HTR7: variants seen among roughly 807,000 people sequenced by gnomAD.
The protein encoded by HTR7 is 5-HT-7.
HTR7 carries 16 observed loss-of-function variants against 34.0 expected under a neutral mutation model. The observed-to-expected ratio is 0.47, with a 90% CI of 0.32 to 0.71. HTR7 has a LOEUF of 0.71. Among genes scored for constraint, HTR7 ranks in the 30% least tolerant of loss-of-function variants. HTR7 has a pLI of 0.04. For missense variants in HTR7, 504 were observed against 625.5 expected, an observed-to-expected ratio of 0.81 and a Z score of 2.07; for synonymous variants, 265 against 260.2, an observed-to-expected ratio of 1.02 and a Z score of -0.18.
intron 1 of HTR7, among the ~76,000 whole-genome samples, chr10:90,831,178 T>G (rs1846165108): frequency 1.3e-5 from 2 of 152,208 alleles, no homozygotes; most frequent in African/African-American, 4.8e-5. Context: ...GTGTCCGGAA[T>G]TGGTAGGCTC....
At chr10:90,742,585 T>G in intron 3 of HTR7, 57 bp from the exon 4 acceptor site, 3 of 1,270,100 alleles carry the variant, frequency 2.4e-6, no homozygotes, top group Non-Finnish European at 3.4e-6. Flanking sequence ...AAATGTGAGT[T>G]TTCATTTTGT....
At chr10:90,847,349 G>GA (rs144426520) in intron 1 of HTR7, among the ~76,000 whole-genome samples, 18 of 147,796 alleles carry the variant, frequency 1.2e-4, no homozygotes, top group South Asian at 4.3e-4. Context: ...AACATGAGAG[G>GA]AAAAAAAAAA....
intron 1 of HTR7, among the ~76,000 whole-genome samples, chr10:90,808,945 G>A (rs1392767348): frequency 9.2e-5 from 14 of 152,218 alleles, no homozygotes; most frequent in South Asian, 2.1e-4. Flanking sequence ...GGTGCCTGAC[G>A]TCCAGGCATT....
At chr10:90,743,965 G>A in intron 2 of HTR7, 1 of 595,732 alleles carries the variant, frequency 1.7e-6, no homozygotes, top group Non-Finnish European at 3.2e-6. Flanking sequence ...AAGAAAATGG[G>A]GAGAAATGGG....
chr10:90,834,665 C>T (rs1846227629), intron 1 of HTR7, among the ~76,000 whole-genome samples: 1 of 152,036 alleles, frequency 6.6e-6, no homozygotes, highest in Non-Finnish European at 1.5e-5. Context: ...AATGAGTAGG[C>T]CATGGGTCTC....
intron 1 of HTR7, among the ~76,000 whole-genome samples, chr10:90,786,365 AT>A (rs111810789): frequency 1.3e-5 from 2 of 152,028 alleles, no homozygotes; most frequent in East Asian, 1.9e-4. Context: ...CAGGCCACTG[AT>A]TTTTTTTCCC....
intron 1 of HTR7, among the ~76,000 whole-genome samples, chr10:90,810,262 C>T (rs567725323): frequency 5.1e-4 from 77 of 152,162 alleles, no homozygotes; most frequent in Non-Finnish European, 9.9e-4. Context: ...CCACCTTTTC[C>T]CCCACTTCAA....
At chr10:90,826,214 GA>G (rs904395298) in intron 1 of HTR7, among the ~76,000 whole-genome samples, 35 of 150,816 alleles carry the variant, frequency 2.3e-4, no homozygotes, top group Admixed American at 1.3e-4. Context: ...AAATACTAAA[GA>G]AAAAAAAACT....
intron 1 of HTR7, among the ~76,000 whole-genome samples, chr10:90,793,458 T>TTA (rs11472590): frequency 0.37 from 53,757 of 145,560 alleles, 11,849 homozygotes; most frequent in African/African-American, 0.62. Context: ...ATATTTCTAA[T>TTA]TATATATATA....
intron 1 of HTR7, among the ~76,000 whole-genome samples, chr10:90,854,062 A>G (rs2120134849): frequency 6.6e-6 from 1 of 152,386 alleles, no homozygotes; most frequent in Non-Finnish European, 1.5e-5. Flanking sequence ...AGAAAGGAAA[A>G]GCTGAAGAAA....
rs754595089 is a variant in HTR7, at chr10:90,748,906, G to A, written c.1228C>T (p.Leu410Phe). The A allele has an allele frequency of 6.8e-6, 11 of 1,614,104 alleles. No individual in the cohort carries two copies. In the East Asian group the frequency reaches 2.2e-4, roughly 33 times the overall value. Residue 410 changes from leucine to phenylalanine, a missense_variant, in exon 2 of 4, where the codon CTC (leucine) becomes TTC (phenylalanine). By Grantham distance (22) the Leu-to-Phe change is conservative. Coordinates refer to ENST00000336152, the MANE Select transcript of HTR7 (RefSeq NM_019859.4). The stretch of plus-strand genomic sequence containing the variant: ...GCTTCATGCATGCCTGCAGCTGAGA[G>A]CTTCCGGTTGATATTCCGGTACTGG... ...QCQYRNINRK[L>F]SAAGMHEALK...
chr10:90,800,571 T>A (rs12785051), intron 1 of HTR7, among the ~76,000 whole-genome samples: 39,342 of 151,390 alleles, frequency 0.26, 5,431 homozygotes, highest in African/African-American at 0.35. Flanking sequence ...ATGAGATTAA[T>A]CATTCCTTCA....
At chr10:90,818,363 T>A (rs900409134) in intron 1 of HTR7, among the ~76,000 whole-genome samples, 3 of 152,154 alleles carry the variant, frequency 2.0e-5, no homozygotes, top group Non-Finnish European at 4.4e-5. Context: ...CTGGCCAACA[T>A]GGTGAAATCC....
intron 2 of HTR7, among the ~76,000 whole-genome samples, chr10:90,745,591 T>A (rs1266635626): frequency 2.0e-5 from 3 of 152,238 alleles, no homozygotes; most frequent in African/African-American, 7.2e-5. Flanking sequence ...TCTTCCTCAA[T>A]GCATGGCAGC....
intron 3 of HTR7, 70 bp from the exon 4 acceptor site, chr10:90,742,598 T>G: frequency 9.3e-7 from 1 of 1,074,438 alleles, no homozygotes; most frequent in Non-Finnish European, 1.4e-6. Context: ...CATTTTGTGG[T>G]AGGTGGACTT....
chr10:90,809,650 C>T (rs113586991), intron 1 of HTR7, among the ~76,000 whole-genome samples: 1 of 152,194 alleles, frequency 6.6e-6, no homozygotes, highest in South Asian at 2.1e-4. Flanking sequence ...ATGCCTGAAC[C>T]GCAGCGGCCA....
intron 1 of HTR7, among the ~76,000 whole-genome samples, chr10:90,847,931 C>A (rs937628961): frequency 2.0e-5 from 3 of 152,176 alleles, no homozygotes; most frequent in Non-Finnish European, 4.4e-5. Context: ...TATACATGGA[C>A]ACTTTAACAA....
At chr10:90,823,769 G>A (rs905344953) in intron 1 of HTR7, among the ~76,000 whole-genome samples, 5 of 152,174 alleles carry the variant, frequency 3.3e-5, no homozygotes, top group Non-Finnish European at 7.3e-5. Flanking sequence ...ATTCAATTAT[G>A]GGGGTGAAAA....
chr10:90,831,375 G>C (rs1846172405), intron 1 of HTR7, among the ~76,000 whole-genome samples: 1 of 151,744 alleles, frequency 6.6e-6, no homozygotes, highest in African/African-American at 2.4e-5. Flanking sequence ...GAGTGTTACA[G>C]CTCAAGCCGG....
Sources: gnomAD v4.1 joint callset for allele counts (sites outside exome capture counted in the v4.1 genomes callset) on GRCh38, gnomAD v4.1.1 for gene constraint, MANE v1.5 for transcripts, NCBI Gene and HGNC (gene_info 2026-07-23, HGNC 2026-07-21) for gene names.